The following RHOBTB3 variants were observed in gnomAD, a reference collection of about 807,000 sequenced individuals.
RHOBTB3 encodes Rho related BTB domain containing 3, also known as rho-related BTB domain-containing protein 3.
A neutral mutation model predicts 67.2 loss-of-function variants in RHOBTB3; 47 were observed. The observed-to-expected ratio is 0.70, with a 90% CI of 0.55 to 0.89. The LOEUF is 0.89. Ranked by LOEUF, RHOBTB3 falls within the 40% of genes least tolerant of loss-of-function variation. RHOBTB3 has a pLI of 0.00. For missense variants in RHOBTB3, 631 were observed against 750.0 expected (o/e 0.84, Z 1.85); for synonymous variants, 273 against 274.2 (o/e 1.00, Z 0.04).
intron 10 of RHOBTB3, among the ~76,000 whole-genome samples, 154 bp downstream of exon 10, chr5:95,784,117 C>T (rs1746149977): frequency 1.3e-5 from 2 of 152,214 alleles, no homozygotes; most frequent in Admixed American, 1.3e-4. Flanking sequence ...AACAGTTTAT[C>T]TGGCTAGATA....
At chr5:95,770,170 G>A (rs181150793) in intron 8 of RHOBTB3, 6 of 252,960 alleles carry the variant, frequency 2.4e-5, no homozygotes, top group African/African-American at 9.2e-5. Context: ...AATATGAAAA[G>A]GGAAAAGTGA....
chr5:95,719,298 G>A (rs749641678), intron 1 of RHOBTB3, among the ~76,000 whole-genome samples: 11 of 152,142 alleles, frequency 7.2e-5, no homozygotes, highest in Non-Finnish European at 1.3e-4. Flanking sequence ...AGTGCTTCAG[G>A]AGGATGAAAG....
chr5:95,717,765 G>A (rs1391281147), exon 1 of RHOBTB3: 1 of 152,184 alleles, frequency 6.6e-6, no homozygotes, highest in Non-Finnish European at 1.5e-5. Flanking sequence ...TAAAAGAAAA[G>A]GTGAGGAATC....
chr5:95,757,108 T>G (rs751880124), intron 6 of RHOBTB3, among the ~76,000 whole-genome samples: 1 of 152,180 alleles, frequency 6.6e-6, no homozygotes, highest in Non-Finnish European at 1.5e-5. Context: ...GACGTTACTT[T>G]TTTTTTTCCT....
chr5:95,724,348 A>C (rs1754986825), intron 1 of RHOBTB3, among the ~76,000 whole-genome samples: 1 of 152,266 alleles, frequency 6.6e-6, no homozygotes, highest in Non-Finnish European at 1.5e-5. Flanking sequence ...TCTGAAACTA[A>C]TCAGAAGTGT....
At chr5:95,739,698 C>T (rs773882630) in intron 3 of RHOBTB3, among the ~76,000 whole-genome samples, 42 of 152,076 alleles carry the variant, frequency 2.8e-4, no homozygotes, top group Non-Finnish European at 5.0e-4. Context: ...ACTACAGGCA[C>T]GTGCCACCAC....
In RHOBTB3 at chr5:95,731,620, C is replaced by A; in HGVS notation, c.-63C>A. The A allele has an allele frequency of 6.2e-7, 1 of 1,606,068 alleles. No homozygotes were observed. Among genetic ancestry groups the A allele is most frequent in the Non-Finnish European group, 8.5e-7 (1 of 1,176,918 alleles). Reference sequence around the variant, plus strand: ...TGCGGGTGAACTCGCCGCCCGGGGGCCCCGCGAAGCCGTGAGCCGCTGCTT... The same window carrying A: ...TGCGGGTGAACTCGCCGCCCGGGGGACCCGCGAAGCCGTGAGCCGCTGCTT... On this transcript the variant is annotated 5_prime_UTR_variant, in exon 1 of 12. Transcript: ENST00000379982.
chr5:95,736,125 T>C (rs868265566), intron 2 of RHOBTB3, among the ~76,000 whole-genome samples: 3 of 152,212 alleles, frequency 2.0e-5, no homozygotes, highest in Admixed American at 6.5e-5. Context: ...GAATAGTGTT[T>C]GTAATAAATT....
chr5:95,756,718 C>G (rs1203881088), intron 6 of RHOBTB3, among the ~76,000 whole-genome samples: 5 of 152,054 alleles, frequency 3.3e-5, no homozygotes, highest in Admixed American at 6.6e-5. Flanking sequence ...GATGTGGTAT[C>G]TAATTCTGGT....
chr5:95,736,963 C>T lies in RHOBTB3; in HGVS notation c.303C>T (p.Asn101=), dbSNP rs747946829. ...CTGACATCATTGTGATCAAATACAA[C>T]GTTAATGACAAGTTTTCATTCCATG... The part of the protein sequence containing the change: ...GGADIIVIKY[N]VNDKFSFHEV... Residue 101 remains asparagine (N), a synonymous_variant, in exon 3 of 12, where the codon AAC becomes AAT. Transcript: ENST00000379982. 3.5e-5 allele frequency: 56 copies of T among 1,611,036 alleles called. 1 individual carries two copies. Among genetic ancestry groups the T allele is most frequent in the South Asian group, 3.0e-4 (27 of 90,884 alleles).
intron 11 of RHOBTB3, among the ~76,000 whole-genome samples, chr5:95,792,300 T>C (rs1457664058): frequency 6.7e-6 from 1 of 148,556 alleles, no homozygotes; most frequent in African/African-American, 2.5e-5. Context: ...GGCAGGAGAA[T>C]GGCGTGAACC....
Position 95,736,894 on chromosome 5 carries a change from A to G in RHOBTB3, c.234A>G (p.Ile78Met), listed in dbSNP as rs1291298104. 6.9e-6 allele frequency: 11 copies of G among 1,597,902 alleles called. No individual in the cohort carries two copies. The highest frequency in any genetic ancestry group is 2.7e-5 in the African/African-American group (2 of 74,086). ...LVVHDCPVWDIFDSDWYTSRN... is the reference protein window; with the variant it reads ...LVVHDCPVWDMFDSDWYTSRN... The stretch of plus-strand genomic sequence containing the variant: ...CTATTTGCATTTTGGTTTAGGACAT[A>G]TTTGACAGTGATTGGTACACTTCTC... Residue 78 changes from isoleucine (I) to methionine (M), a missense_variant, in exon 3 of 12, where the codon ATA (isoleucine) becomes ATG (methionine). Coordinates refer to ENST00000379982, the MANE Select transcript of RHOBTB3 (RefSeq NM_014899.4).
chr5:95,773,648 G>A (rs1011885869), intron 8 of RHOBTB3, among the ~76,000 whole-genome samples: 4 of 152,230 alleles, frequency 2.6e-5, no homozygotes, highest in African/African-American at 9.6e-5. Context: ...TAAGAGTTAT[G>A]TAACTAATAG....
intron 9 of RHOBTB3, 92 bp from the exon 10 acceptor site, chr5:95,783,705 T>C: frequency 8.9e-7 from 1 of 1,125,256 alleles, no homozygotes; most frequent in East Asian, 2.5e-5. Flanking sequence ...AGCATGTTTT[T>C]TTAATTGTTG....
At chr5:95,741,481 G>T (rs1011663704) in intron 3 of RHOBTB3, among the ~76,000 whole-genome samples, 5 of 135,284 alleles carry the variant, frequency 3.7e-5, no homozygotes, top group African/African-American at 1.4e-4. Context: ...ATTACATTTA[G>T]TTGTTATATC....
At chr5:95,791,325 C>G (rs3777213) in intron 11 of RHOBTB3, among the ~76,000 whole-genome samples, 31,308 of 152,048 alleles carry the variant, frequency 0.21, 3,293 homozygotes, top group South Asian at 0.28. Flanking sequence ...TGAACACAAA[C>G]AGCGGTGCAC....
chr5:95,720,158 C>G (rs1461356203), intron 1 of RHOBTB3, among the ~76,000 whole-genome samples: 2 of 152,104 alleles, frequency 1.3e-5, no homozygotes, highest in African/African-American at 4.8e-5. Context: ...TGTGATCAAC[C>G]CTGGGCACCT....
intron 8 of RHOBTB3, among the ~76,000 whole-genome samples, chr5:95,772,827 CTT>C (rs941247713): frequency 9.2e-5 from 14 of 152,188 alleles, no homozygotes; most frequent in Non-Finnish European, 2.1e-4. Flanking sequence ...TTGAAGAAGA[CTT>C]TGCCTTGTAA....
upstream of RHOBTB3, among the ~76,000 whole-genome samples, chr5:95,728,554 C>T (rs1193382431): frequency 1.3e-5 from 2 of 152,180 alleles, no homozygotes; most frequent in African/African-American, 2.4e-5. Flanking sequence ...CTTTTACTGA[C>T]TGCCTTTGTA....
Sources: gnomAD v4.1 joint callset for allele counts (sites outside exome capture counted in the v4.1 genomes callset) on GRCh38, gnomAD v4.1.1 for gene constraint, MANE v1.5 for transcripts, NCBI Gene and HGNC (gene_info 2026-07-23, HGNC 2026-07-21) for gene names.